The following LRMDA variants were observed in gnomAD, a reference collection of about 807,000 sequenced individuals.
LRMDA encodes leucine-rich melanocyte differentiation-associated protein.
LRMDA carries 18 observed loss-of-function variants against 29.8 expected under a neutral mutation model. The observed-to-expected ratio is 0.60, with a 90% confidence interval of 0.42 to 0.90. LRMDA has a LOEUF of 0.90. Ranked by LOEUF, LRMDA falls within the 40% of genes least tolerant of loss-of-function variation. The pLI is 0.00. For synonymous variants in LRMDA, 125 were observed against 109.4 expected, an observed-to-expected ratio of 1.14 and a Z score of -0.89; for missense variants, 273 against 273.9, an observed-to-expected ratio of 1.00 and a Z score of 0.02.
At chr10:75,792,863 G>A (rs4746331) in intron 2 of LRMDA, among the ~76,000 whole-genome samples, 58,745 of 152,114 alleles carry the variant, frequency 0.39, 13,385 homozygotes, top group Non-Finnish European at 0.51. Flanking sequence ...CTGGCACCTG[G>A]TGAGTGCTAT....
chr10:75,703,524 A>G (rs1842332780), intron 2 of LRMDA, among the ~76,000 whole-genome samples: 1 of 152,248 alleles, frequency 6.6e-6, no homozygotes. Flanking sequence ...TGAAGCAGCA[A>G]TAATGAGTTT....
chr10:75,713,951 T>G (rs1396976522), intron 2 of LRMDA, among the ~76,000 whole-genome samples: 1 of 152,174 alleles, frequency 6.6e-6, no homozygotes. Context: ...TTCTTAAAGT[T>G]TGCTGGTTTA....
At chr10:76,527,021 T>TAAAA (rs1165346405) in intron 6 of LRMDA, among the ~76,000 whole-genome samples, 3 of 58,674 alleles carry the variant, frequency 5.1e-5, no homozygotes, top group African/African-American at 7.4e-5. Context: ...AATAAATAAA[T>TAAAA]AAAAATGCCC....
At chr10:75,853,368 A>G (rs1844765109) in intron 2 of LRMDA, among the ~76,000 whole-genome samples, 1 of 151,676 alleles carries the variant, frequency 6.6e-6, no homozygotes, top group Admixed American at 6.6e-5. Context: ...ACATTCTCTT[A>G]CTTCTTTGTG....
chr10:76,003,370 C>A lies in LRMDA; in HGVS notation c.132-32638C>A, dbSNP rs903554828. On this transcript the variant is annotated intron_variant, in intron 2 of 6. Coordinates refer to ENST00000611255, the MANE Select transcript of LRMDA (RefSeq NM_001305581.2). Reference sequence around the variant, plus strand: ...GTGGAAGGAACGTCCCCTGGCCCACCCTCTCTCTCTACCATCCTCTCTCCC... The same window carrying A: ...GTGGAAGGAACGTCCCCTGGCCCACACTCTCTCTCTACCATCCTCTCTCCC... 2.0e-5 allele frequency among the ~76,000 whole-genome samples: 3 copies of A among 151,558 alleles called. No homozygotes were observed. The South Asian group carries it at 6.2e-4, about 31-fold the overall frequency.
At position 75,816,039 on chromosome 10, in the gene LRMDA, T is replaced by C. The variant is rs139293545; in HGVS notation, c.132-219969T>C. Among the ~76,000 whole-genome samples the C allele has an allele frequency of 6.6e-5, 10 of 152,184 alleles. No individual in the cohort carries two copies. The East Asian group carries it at 1.5e-3, about 24-fold the overall frequency. On this transcript the variant is annotated intron_variant, in intron 2 of 6. Coordinates refer to ENST00000611255, the MANE Select transcript of LRMDA (RefSeq NM_001305581.2). ...GAATGAGAAAGTCAAGATCAGAGAG[T>C]GCTTTGTGATTTGCTGCAGCTATGA...
At chr10:75,966,581 A>C (rs1846864505) in intron 2 of LRMDA, among the ~76,000 whole-genome samples, 1 of 152,174 alleles carries the variant, frequency 6.6e-6, no homozygotes, top group Non-Finnish European at 1.5e-5. Flanking sequence ...TGGAACCTAG[A>C]AGGCCCTCCA....
rs551229300 is a variant in LRMDA at position 75,625,979 on chromosome 10, G to A, written c.131+187485G>A. The stretch of plus-strand genomic sequence containing the variant: ...TGATCCTCCTGCCTCAGCCCCTTGA[G>A]TAGCTGGAACTACAGTCATGCCTGG... On this transcript the variant is annotated intron_variant, in intron 2 of 6. Transcript: ENST00000611255. Among the ~76,000 whole-genome samples the A allele has an allele frequency of 2.0e-4, 31 of 151,848 alleles. No individual in the cohort carries two copies. The East Asian group carries it at 3.3e-3, about 16-fold the overall frequency.
intron 2 of LRMDA, among the ~76,000 whole-genome samples, chr10:75,474,624 C>G (rs955777711): frequency 7.2e-5 from 11 of 152,232 alleles, no homozygotes; most frequent in Non-Finnish European, 1.5e-4. Context: ...GCTACTACAA[C>G]AGACCCTCTG....
chr10:75,824,673 T>C (rs1473574904), intron 2 of LRMDA, among the ~76,000 whole-genome samples: 2 of 152,158 alleles, frequency 1.3e-5, no homozygotes, highest in Non-Finnish European at 2.9e-5. Flanking sequence ...ATTCCTAAAC[T>C]ACTTTATCTA....
At chr10:75,533,415 G>A (rs1052977916) in intron 2 of LRMDA, among the ~76,000 whole-genome samples, 1 of 152,220 alleles carries the variant, frequency 6.6e-6, no homozygotes, top group Non-Finnish European at 1.5e-5. Flanking sequence ...TGACAAGGGA[G>A]CCTGGGAGAG....
intron 6 of LRMDA, among the ~76,000 whole-genome samples, chr10:76,405,281 G>A (rs1322543339): frequency 6.6e-6 from 1 of 152,178 alleles, no homozygotes; most frequent in Non-Finnish European, 1.5e-5. Context: ...TTTCTGACTT[G>A]AAGACAGAGG....
chr10:76,263,277 T>A (rs1220033215), intron 5 of LRMDA, among the ~76,000 whole-genome samples: 1 of 149,082 alleles, frequency 6.7e-6, no homozygotes, highest in Non-Finnish European at 1.5e-5. Flanking sequence ...CAAACTTTTT[T>A]TTTTAAAAAA....
rs145795618 is a variant in LRMDA, at chr10:75,431,643, G to T, written c.-82G>T. 0.012 allele frequency: 13,830 copies of T among 1,170,596 alleles called. 132 individuals are homozygous for T. The highest frequency in any genetic ancestry group is 0.032 in the African/African-American group (1,988 of 61,350). The allele number at this position is 1,170,596 out of a possible 1,614,324, so 72.5% of individuals were successfully genotyped here. A position where few individuals can be genotyped will look rare whatever the true frequency, so the allele number is the denominator to read the frequency against. ...CTGCCCAGTGCGGAACTGTGCGCCC[G>T]CCGCGCTCCCCTGCCGCGCTCCCCG... On this transcript the variant is annotated 5_prime_UTR_variant, in exon 1 of 7. Coordinates refer to ENST00000611255, the MANE Select transcript of LRMDA (RefSeq NM_001305581.2).
intron 6 of LRMDA, among the ~76,000 whole-genome samples, chr10:76,396,126 G>A (rs1841780852): frequency 6.6e-6 from 1 of 152,204 alleles, no homozygotes; most frequent in Non-Finnish European, 1.5e-5. Context: ...ATGATGGCTG[G>A]AAGCTGCCAC....
chr10:76,515,465 T>C (rs1843050422), intron 6 of LRMDA, among the ~76,000 whole-genome samples: 1 of 152,166 alleles, frequency 6.6e-6, no homozygotes. Context: ...AATGAATGTA[T>C]ATTAGAAAGT....
intron 6 of LRMDA, among the ~76,000 whole-genome samples, chr10:76,406,736 A>G (rs907059292): frequency 6.6e-6 from 1 of 152,108 alleles, no homozygotes; most frequent in African/African-American, 2.4e-5. Context: ...TTCTGAAAGG[A>G]GGCATACATG....
chr10:76,298,321 C>T (rs1487869833), intron 5 of LRMDA, among the ~76,000 whole-genome samples: 1 of 152,178 alleles, frequency 6.6e-6, no homozygotes, highest in Non-Finnish European at 1.5e-5. Context: ...ATCCAGTTGG[C>T]TGAGCTGGAC....
At chr10:75,905,978 T>C (rs539250730) in intron 2 of LRMDA, among the ~76,000 whole-genome samples, 6 of 151,598 alleles carry the variant, frequency 4.0e-5, no homozygotes, top group South Asian at 4.2e-4. Context: ...TGTTCTCTAG[T>C]CTCTTCCTAA....
Sources: allele counts gnomAD v4.1 joint callset (sites outside exome capture counted in the v4.1 genomes callset), GRCh38; gene constraint gnomAD v4.1.1; transcripts MANE v1.5; gene names NCBI Gene and HGNC (gene_info 2026-07-23, HGNC 2026-07-21).